The following STXBP6 variants were observed in gnomAD, a reference collection of about 807,000 sequenced individuals.
STXBP6 encodes the protein syntaxin-binding protein 6.
A neutral mutation model predicts 26.9 loss-of-function variants in STXBP6; 21 were observed. The observed-to-expected ratio is 0.78, with a 90% CI of 0.55 to 1.12. The LOEUF (loss-of-function observed/expected upper bound fraction) is 1.12, where lower values mean the gene tolerates loss of function less well. Ranked by LOEUF, STXBP6 falls within the 50% of genes most tolerant of loss-of-function variation. STXBP6 has a pLI of 0.00. For synonymous variants in STXBP6, 97 were observed against 92.6 expected (o/e 1.05, Z -0.27); for missense variants, 232 against 257.9 (o/e 0.90, Z 0.69).
intron 2 of STXBP6, among the ~76,000 whole-genome samples, chr14:24,880,857 C>T (rs562358948): frequency 6.6e-6 from 1 of 152,288 alleles, no homozygotes; most frequent in Admixed American, 6.5e-5. Flanking sequence ...GTTAGCAGAA[C>T]AGCACTGTGG....
intron 4 of STXBP6, among the ~76,000 whole-genome samples, chr14:24,837,165 G>A (rs1350404438): frequency 2.0e-5 from 3 of 152,132 alleles, no homozygotes; most frequent in Non-Finnish European, 2.9e-5. Flanking sequence ...AAAACAAGGG[G>A]TAGAAACAGC....
intron 1 of STXBP6, among the ~76,000 whole-genome samples, chr14:25,048,049 G>C (rs919365799): frequency 6.6e-6 from 1 of 152,184 alleles, no homozygotes; most frequent in Admixed American, 6.5e-5. Context: ...AAAATCAAAA[G>C]AGATGGATTT....
At chr14:24,894,338 T>C (rs1320053102) in intron 2 of STXBP6, among the ~76,000 whole-genome samples, 4 of 152,138 alleles carry the variant, frequency 2.6e-5, no homozygotes, top group Non-Finnish European at 5.9e-5. Flanking sequence ...CTAAGATATC[T>C]AGGTTGGGGA....
Position 24,958,886 on chromosome 14 carries a change from C to G in STXBP6, c.154+15779G>C, listed in dbSNP as rs543424901. On this transcript the variant is annotated intron_variant, in intron 2 of 5. Transcript: ENST00000323944. ...CCAAGCAAGAGTCCTTAAATATCAA[C>G]AAAGAAGAGTCCTTAAGTATCAACA... Among the ~76,000 whole-genome samples the G allele has an allele frequency of 9.2e-5, 14 of 152,232 alleles. No individual in the cohort carries two copies. The East Asian group carries it at 2.7e-3, about 29-fold the overall frequency.
chr14:24,892,797 G>T (rs1021715071), intron 2 of STXBP6, among the ~76,000 whole-genome samples: 1 of 152,152 alleles, frequency 6.6e-6, no homozygotes, highest in Non-Finnish European at 1.5e-5. Context: ...CAAATATGAG[G>T]CACATTACTA....
chr14:24,878,418 T>C (rs1031240884), intron 2 of STXBP6, among the ~76,000 whole-genome samples: 1 of 152,096 alleles, frequency 6.6e-6, no homozygotes, highest in Non-Finnish European at 1.5e-5. Flanking sequence ...TTTTTCCATA[T>C]TGTGATTTAG....
chr14:24,984,186 C>T (rs533641167), intron 1 of STXBP6, among the ~76,000 whole-genome samples: 34 of 152,022 alleles, frequency 2.2e-4, no homozygotes, highest in Non-Finnish European at 4.6e-4. Flanking sequence ...GAGCCGAGAT[C>T]GTGCGACTGC....
chr14:24,849,181 GT>G, intron 4 of STXBP6, among the ~76,000 whole-genome samples: 1 of 151,890 alleles, frequency 6.6e-6, no homozygotes, highest in East Asian at 1.9e-4. Flanking sequence ...TTTAGTCTTA[GT>G]TTTTTTCTCT....
chr14:25,049,057 C>T lies in STXBP6; in HGVS notation c.-33+821G>A, dbSNP rs993745561. On this transcript the variant is annotated intron_variant, in intron 1 of 5. Coordinates refer to ENST00000323944, the MANE Select transcript of STXBP6 (RefSeq NM_001394410.1). This position sits in a 1 kb window ranked among gnomAD's most constrained non-coding sequence, Gnocchi z 5.6. ...GGGGCCAGAACCAAGGGCAGATACA[C>T]CCCGGGGACTTTCTCCTAAAGAACA... 2 of 681,078 alleles carry T rather than the reference C, an allele frequency of 2.9e-6. No individual in the cohort carries two copies. Among genetic ancestry groups the T allele is most frequent in the Admixed American group, 6.3e-5 (1 of 15,902 alleles). The allele number at this position is 681,078 out of a possible 1,614,324, so 42.2% of individuals were successfully genotyped here. A position where few individuals can be genotyped will look rare whatever the true frequency, so the allele number is the denominator to read the frequency against.
At chr14:24,973,379 C>CTTT (rs1057437135) in intron 2 of STXBP6, among the ~76,000 whole-genome samples, 129 of 76,784 alleles carry the variant, frequency 1.7e-3, no homozygotes, top group East Asian at 2.6e-3. Flanking sequence ...AGCTTTCTTC[C>CTTT]TTTTTTTTTT....
chr14:24,898,815 C>G lies in STXBP6; in HGVS notation c.155-41658G>C, dbSNP rs1021453946. 4.6e-5 allele frequency among the ~76,000 whole-genome samples: 7 copies of G among 151,972 alleles called. 2 individuals are homozygous for G. Among genetic ancestry groups the G allele is most frequent in the Admixed American group, 3.9e-4 (6 of 15,272 alleles). On this transcript the variant is annotated intron_variant, in intron 2 of 5. Coordinates refer to ENST00000323944, the MANE Select transcript of STXBP6 (RefSeq NM_001394410.1). ...AAAGGCATTTATGTTTATATAAAGG[C>G]ATTAAATTATACACAAGTATGTGTA...
intron 2 of STXBP6, among the ~76,000 whole-genome samples, chr14:24,946,980 T>C (rs1280310500): frequency 6.6e-6 from 1 of 152,074 alleles, no homozygotes; most frequent in African/African-American, 2.4e-5. Context: ...TAACTCAAAA[T>C]GAAAAGCTAC....
At chr14:24,866,034 T>C (rs948189063) in intron 2 of STXBP6, among the ~76,000 whole-genome samples, 17 of 152,158 alleles carry the variant, frequency 1.1e-4, no homozygotes, top group African/African-American at 4.1e-4. Flanking sequence ...CCCAGGTATG[T>C]AGTCGAACAT....
intron 2 of STXBP6, among the ~76,000 whole-genome samples, chr14:24,889,603 A>G (rs968450137): frequency 6.6e-6 from 1 of 151,976 alleles, no homozygotes. Flanking sequence ...GAATACCCAG[A>G]AAAGAAAAAA....
chr14:24,853,201 T>A (rs1222944833), intron 4 of STXBP6, among the ~76,000 whole-genome samples: 1 of 152,054 alleles, frequency 6.6e-6, no homozygotes, highest in Non-Finnish European at 1.5e-5. Flanking sequence ...ACAGATTTCA[T>A]ATCCTAAAGA....
At chr14:24,980,345 G>A (rs147214032) in intron 1 of STXBP6, among the ~76,000 whole-genome samples, 24 of 152,244 alleles carry the variant, frequency 1.6e-4, no homozygotes, top group African/African-American at 5.5e-4. Flanking sequence ...CTTAGATAAT[G>A]TTTCTCTTTG....
intron 2 of STXBP6, among the ~76,000 whole-genome samples, chr14:24,908,134 T>C (rs12886704): frequency 0.19 from 29,105 of 152,154 alleles, 3,644 homozygotes; most frequent in African/African-American, 0.36. Flanking sequence ...CACACCTCCT[T>C]AAGTCTTTCG....
chr14:24,890,982 G>C (rs2070765960), intron 2 of STXBP6, among the ~76,000 whole-genome samples: 1 of 152,166 alleles, frequency 6.6e-6, no homozygotes, highest in South Asian at 2.1e-4. Context: ...GTGCACTGCT[G>C]CCATCTGGGC....
intron 2 of STXBP6, among the ~76,000 whole-genome samples, chr14:24,948,791 A>T (rs1377747002): frequency 6.6e-6 from 1 of 152,220 alleles, no homozygotes; most frequent in African/African-American, 2.4e-5. Context: ...ATAATTTTTT[A>T]AAATGTTGAG....
Sources: allele counts gnomAD v4.1 joint callset (sites outside exome capture counted in the v4.1 genomes callset), GRCh38; gene constraint gnomAD v4.1.1; non-coding constraint Gnocchi (gnomAD v3.1); transcripts MANE v1.5; gene names NCBI Gene and HGNC (gene_info 2026-07-23, HGNC 2026-07-21).